The following PXDNL variants were observed in gnomAD, a reference collection of about 807,000 sequenced individuals.
PXDNL encodes peroxidasin like.
Under a neutral mutation model 150.8 loss-of-function variants are expected in PXDNL, and 145 were observed. The observed-to-expected ratio is 0.96, with a 90% CI of 0.84 to 1.10. The LOEUF (loss-of-function observed/expected upper bound fraction) is 1.10. PXDNL is among the 50% of genes least tolerant of loss of function. The probability of loss-of-function intolerance (pLI) is 0.00; values close to 1 mark genes in which losing one functional copy is unlikely to be tolerated. For missense variants in PXDNL, 2,087 were observed against 1,873.9 expected (o/e 1.11, Z -2.10); for synonymous variants, 757 against 725.7 (o/e 1.04, Z -0.69).
At chr8:51,392,857 T>C (rs976972990) in intron 17 of PXDNL, among the ~76,000 whole-genome samples, 1 of 152,142 alleles carries the variant, frequency 6.6e-6, no homozygotes, top group Non-Finnish European at 1.5e-5. Flanking sequence ...ATTTCTATTG[T>C]GAGGTTAGGA....
At position 51,731,308 on chromosome 8, in the gene PXDNL, A is replaced by T. The variant is rs114883912; in HGVS notation, c.165-76548T>A. Among the ~76,000 whole-genome samples, 548 of 152,338 alleles carry T rather than the reference A, an allele frequency of 3.6e-3. 5 individuals carry two copies. Among genetic ancestry groups the T allele is most frequent in the African/African-American group, 0.013 (520 of 41,588 alleles). On this transcript the variant is annotated intron_variant, in intron 1 of 22. Coordinates refer to ENST00000356297, the MANE Select transcript of PXDNL (RefSeq NM_144651.5). ...GACCCCATGCAAGTCTGAAATCCAA[A>T]GGTGTAGTCAAATCTTAAAGCTGCA...
intron 1 of PXDNL, among the ~76,000 whole-genome samples, chr8:51,700,294 T>G (rs1005428481): frequency 6.6e-6 from 1 of 151,560 alleles, no homozygotes; most frequent in East Asian, 1.9e-4. Context: ...TACATACACA[T>G]GTACACATGT....
intron 1 of PXDNL, among the ~76,000 whole-genome samples, chr8:51,665,270 C>T (rs377730186): frequency 6.6e-6 from 1 of 152,142 alleles, no homozygotes; most frequent in Non-Finnish European, 1.5e-5. Context: ...CGGTGGGTCT[C>T]CCTGGACACC....
At chr8:51,328,050 A>T (rs547434545) in intron 21 of PXDNL, among the ~76,000 whole-genome samples, 1 of 152,214 alleles carries the variant, frequency 6.6e-6, no homozygotes, top group East Asian at 1.9e-4. Context: ...GGTAAAGCAG[A>T]TTGCCCTCCA....
chr8:51,548,985 G>A (rs1812422118), intron 4 of PXDNL, among the ~76,000 whole-genome samples: 1 of 152,082 alleles, frequency 6.6e-6, no homozygotes, highest in Non-Finnish European at 1.5e-5. Flanking sequence ...GATGGGAAAA[G>A]GGATTTCATG....
rs1223359434 is a variant in PXDNL at position 51,453,551 on chromosome 8, G to A, written c.1217C>T (p.Thr406Ile). Residue 406 changes from threonine (T) to isoleucine (I), a missense_variant, in exon 10 of 23, where the codon ACT (threonine) becomes ATT (isoleucine). Thr to Ile is a moderately conservative substitution (Grantham distance 89, BLOSUM62 -1). Transcript: ENST00000356297. ...AATTATGTTTGCTGCAGCTTGAACA[G>A]TGCCGTGGCTATTGTTGGCATGACA... ...FTCHANNSHG[T>I]VQAAANIIVQ... 1.2e-6 allele frequency: 2 copies of A among 1,613,926 alleles called. No individual in the cohort carries two copies. The highest frequency in any genetic ancestry group is 1.3e-5 in the African/African-American group (1 of 74,940).
chr8:51,718,251 C>A (rs1816657032), intron 1 of PXDNL, among the ~76,000 whole-genome samples: 1 of 151,996 alleles, frequency 6.6e-6, no homozygotes, highest in Non-Finnish European at 1.5e-5. Context: ...GGGAGACCAC[C>A]TTCCATGTGG....
At chr8:51,321,658 G>A (rs893514627) in intron 21 of PXDNL, among the ~76,000 whole-genome samples, 4 of 152,122 alleles carry the variant, frequency 2.6e-5, no homozygotes, top group African/African-American at 9.7e-5. Flanking sequence ...TGAAGAAGGT[G>A]CTTGCTTCCC....
chr8:51,542,495 T>TAAA (rs34691012), intron 4 of PXDNL, among the ~76,000 whole-genome samples: 5 of 136,598 alleles, frequency 3.7e-5, no homozygotes, highest in Admixed American at 2.9e-4. Context: ...AATGCCCTTA[T>TAAA]AAAAAAAAAA....
intron 2 of PXDNL, among the ~76,000 whole-genome samples, chr8:51,639,323 C>A (rs1014083335): frequency 1.3e-5 from 2 of 152,136 alleles, no homozygotes; most frequent in East Asian, 1.9e-4. Context: ...CATTCAAAAG[C>A]TAGCAGAAGG....
At chr8:51,514,516 G>A (rs1811494501) in intron 4 of PXDNL, among the ~76,000 whole-genome samples, 1 of 152,178 alleles carries the variant, frequency 6.6e-6, no homozygotes, top group Non-Finnish European at 1.5e-5. Context: ...TAATTCAAAT[G>A]TTTATGATAT....
intron 4 of PXDNL, among the ~76,000 whole-genome samples, chr8:51,504,739 G>A (rs1811250753): frequency 6.6e-6 from 1 of 152,224 alleles, no homozygotes; most frequent in Non-Finnish European, 1.5e-5. Context: ...CAAATAGATA[G>A]TCAGTACATA....
intron 4 of PXDNL, among the ~76,000 whole-genome samples, chr8:51,546,196 G>A (rs1049855944): frequency 5.3e-5 from 8 of 152,178 alleles, no homozygotes; most frequent in Admixed American, 2.6e-4. Context: ...AATTGTTAGA[G>A]GGGGAAAATT....
Position 51,409,522 on chromosome 8 carries a change from C to A in PXDNL, c.2102G>T (p.Ser701Ile). 6.2e-7 allele frequency: 1 copy of A among 1,607,182 alleles called. No individual in the cohort carries two copies. ...YNDLVSPRSL[S>I]LIANLSGCTA... is the part of the protein sequence containing the mutation. ...GCATCCAGATAAATTGGCGATGAGG[C>A]TGAGGGAGCGCGGGGACACCAAGTC... Residue 701 changes from serine (S) to isoleucine (I), a missense_variant, in exon 17 of 23, where the codon AGC becomes ATC. Transcript: ENST00000356297.
chr8:51,653,296 T>C (rs561788896), intron 2 of PXDNL, among the ~76,000 whole-genome samples: 150 of 152,298 alleles, frequency 9.8e-4, no homozygotes, highest in African/African-American at 3.4e-3. Context: ...CAGACACCTG[T>C]AATCCCAGCA....
intron 21 of PXDNL, among the ~76,000 whole-genome samples, chr8:51,334,041 T>A (rs780226386): frequency 1.3e-5 from 2 of 149,568 alleles, no homozygotes; most frequent in Non-Finnish European, 3.0e-5. Context: ...CCCATGGAAC[T>A]TTCTCCAAGA....
intron 17 of PXDNL, among the ~76,000 whole-genome samples, chr8:51,380,864 ATGT>A (rs1375295970): frequency 6.6e-6 from 1 of 152,110 alleles, no homozygotes; most frequent in Non-Finnish European, 1.5e-5. Flanking sequence ...TTTACATGGA[ATGT>A]TTTTTTCTGC....
At chr8:51,338,034 TCAGGTG>T (rs1805880535) in intron 21 of PXDNL, among the ~76,000 whole-genome samples, 1 of 150,992 alleles carries the variant, frequency 6.6e-6, no homozygotes, top group Non-Finnish European at 1.5e-5. Context: ...CAAAAATTAC[TCAGGTG>T]CAGTGGTGGA....
intron 1 of PXDNL, among the ~76,000 whole-genome samples, chr8:51,804,494 C>T (rs1429918635): frequency 6.6e-5 from 10 of 152,074 alleles, no homozygotes; most frequent in Non-Finnish European, 1.0e-4. Flanking sequence ...AGTTGACAAA[C>T]GAGGACATTC....
Sources: allele counts gnomAD v4.1 joint callset (sites outside exome capture counted in the v4.1 genomes callset), GRCh38; gene constraint gnomAD v4.1.1; transcripts MANE v1.5; gene names NCBI Gene and HGNC (gene_info 2026-07-23, HGNC 2026-07-21).